C16orf90: variants seen among roughly 807,000 people sequenced by gnomAD.
C16orf90 encodes chromosome 16 open reading frame 90.
In C16orf90, 17 loss-of-function variants were observed where a neutral mutation model predicts 17.1. That is an observed-to-expected ratio of 1.00 (90% CI 0.68 to 1.49). The LOEUF (loss-of-function observed/expected upper bound fraction) is 1.49, where lower values mean the gene tolerates loss of function less well. Ranked by LOEUF, C16orf90 falls within the 40% of genes most tolerant of loss-of-function variation. C16orf90 has a pLI of 0.00. For synonymous variants in C16orf90, 108 were observed against 95.8 expected (o/e 1.13, Z -0.75); for missense variants, 255 against 235.5 (o/e 1.08, Z -0.54).
In C16orf90 at chr16:3,494,883, G is replaced by A; in HGVS notation, c.47-6C>T. 1 of 1,505,954 alleles carries A rather than the reference G, an allele frequency of 6.6e-7. No homozygotes were observed. The highest frequency in any genetic ancestry group is 8.8e-7 in the Non-Finnish European group (1 of 1,134,040). 93.3% of individuals were successfully genotyped at this position (1,505,954 alleles called of 1,614,324 possible). A position where few individuals can be genotyped will look rare whatever the true frequency, so the allele number is the denominator to read the frequency against. On this transcript the variant is annotated splice_polypyrimidine_tract_variant and splice_region_variant and intron_variant, in intron 1 of 2. Transcript: ENST00000437192. ...TTGGGCCTGGCTCACTGCATCTGCA[G>A]AGGAGACAGCGGGAGGGTGGTGGCC...
chr16:3,494,298 C>T (rs1028354658), intron 2 of C16orf90, among the ~76,000 whole-genome samples: 2 of 152,146 alleles, frequency 1.3e-5, no homozygotes, highest in Non-Finnish European at 2.9e-5. Context: ...AGCCCTCCCT[C>T]CCAGATCCTC....
upstream of C16orf90, chr16:3,495,492 G>A (rs1368252132): frequency 3.2e-6 from 5 of 1,571,104 alleles, no homozygotes; most frequent in Non-Finnish European, 4.3e-6. Flanking sequence ...CCCTGCCTAG[G>A]GGGTACATTG....
rs1329884581 is a variant in C16orf90 at position 3,493,914 on chromosome 16, C to T, written c.474G>A (p.Arg158=). Residue 158 remains arginine (R), a synonymous_variant, in exon 3 of 3, where the codon AGG becomes AGA. Transcript: ENST00000437192. ...TGGCCTCTTCCCAGGTCCCCCAGGA[C>T]CTCTTGGGCCTGAGCCTAGAAGGAC... The part of the protein sequence containing the change: ...QPSPSRLRPK[R]SWGTWEEAMC... 1 of 1,609,416 alleles carries T rather than the reference C, an allele frequency of 6.2e-7. No homozygotes were observed. The highest frequency in any genetic ancestry group is 1.3e-5 in the African/African-American group (1 of 74,972).
chr16:3,494,881 C>T lies in C16orf90; in HGVS notation c.47-4G>A, dbSNP rs764251839. On this transcript the variant is annotated splice_polypyrimidine_tract_variant and splice_region_variant and intron_variant, in intron 1 of 2. Coordinates refer to ENST00000437192, the MANE Select transcript of C16orf90 (RefSeq NM_001080524.2). ...CCTTGGGCCTGGCTCACTGCATCTG[C>T]AGAGGAGACAGCGGGAGGGTGGTGG... The T allele has an allele frequency of 5.3e-6, 8 of 1,506,474 alleles. No homozygotes were observed. The highest frequency in any genetic ancestry group is 7.1e-6 in the Non-Finnish European group (8 of 1,133,648). 93.3% of individuals were successfully genotyped at this position (1,506,474 alleles called of 1,614,324 possible).
chr16:3,493,975 C>T lies in C16orf90; in HGVS notation c.413G>A (p.Ser138Asn). The T allele has an allele frequency of 6.2e-7, 1 of 1,607,232 alleles. No individual in the cohort carries two copies. Among genetic ancestry groups the T allele is most frequent in the Non-Finnish European group, 8.5e-7 (1 of 1,175,800 alleles). Residue 138 changes from serine (S) to asparagine (N), a missense_variant, in exon 3 of 3, where the codon AGC becomes AAC. Ser to Asn is a conservative substitution (Grantham distance 46). Transcript: ENST00000437192. ...DSLGSSASSS[S>N]MDPDKGALPQ... is the part of the protein sequence containing the mutation. Reference sequence around the variant, plus strand: ...GAGGGCACCCTTGTCTGGGTCCATGCTGGAACTGGAAGCTGAGGAAAGAGG... The same window carrying T: ...GAGGGCACCCTTGTCTGGGTCCATGTTGGAACTGGAAGCTGAGGAAAGAGG...
rs373149683 is a variant in C16orf90, at chr16:3,494,859, T to C, written c.65A>G (p.Gln22Arg). Residue 22 changes from glutamine (Q) to arginine (R), a missense_variant, in exon 2 of 3, where the codon CAA becomes CGA. Physicochemically the swap from Gln to Arg is conservative, Grantham distance 43. Transcript: ENST00000437192. Reference protein sequence around the residue: ...HIREDAVSQAQGRPGHPDAPP... With the variant: ...HIREDAVSQARGRPGHPDAPP... ...TGCGTCAGGGTGGCCGGGGCGTCCT[T>C]GGGCCTGGCTCACTGCATCTGCAGA... The C allele has an allele frequency of 2.0e-5, 31 of 1,523,016 alleles. No homozygotes were observed. In the African/African-American group the frequency reaches 4.3e-4, roughly 21 times the overall value. The allele number at this position is 1,523,016 out of a possible 1,614,324, so 94.3% of individuals were successfully genotyped here.
In C16orf90 at chr16:3,493,876, C is replaced by A; in HGVS notation, c.512G>T (p.Cys171Phe). 1.2e-6 allele frequency: 2 copies of A among 1,607,262 alleles called. No individual in the cohort carries two copies. The highest frequency in any genetic ancestry group is 1.7e-6 in the Non-Finnish European group (2 of 1,177,096). ...GTWEEAMCPLCKRTRSGALER... is the reference protein window; with the variant it reads ...GTWEEAMCPLFKRTRSGALER... The stretch of plus-strand genomic sequence containing the variant: ...CAGGGCCCCAGAGCGGGTTCTCTTG[C>A]ACAAGGGACACATGGCCTCTTCCCA... The change falls in exon 3 of 3, where the codon TGC becomes TTC. Residue 171 changes from cysteine to phenylalanine, a missense_variant. By Grantham distance (205) the Cys-to-Phe change is radical. Transcript: ENST00000437192.
At position 3,495,369 on chromosome 16, in the gene C16orf90, C is replaced by A; in HGVS notation, c.46+7G>T. 6.2e-7 allele frequency: 1 copy of A among 1,605,540 alleles called. No homozygotes were observed. The highest frequency in any genetic ancestry group is 2.2e-5 in the East Asian group (1 of 44,760). The stretch of plus-strand genomic sequence containing the variant: ...TCTTCCTGCCACTCCTCCCCACAGC[C>A]CGGCACCTTCTCTTATGTGCAGCTC... On this transcript the variant is annotated splice_region_variant and intron_variant, in intron 1 of 2. Coordinates refer to ENST00000437192, the MANE Select transcript of C16orf90 (RefSeq NM_001080524.2).
In C16orf90 at chr16:3,494,798, CG is replaced by C; in HGVS notation, c.125del (p.Pro42ArgfsTer219). 6.3e-7 allele frequency: 1 copy of C among 1,583,348 alleles called. No individual in the cohort carries two copies. ...PNIYEGGLGSPQPQCPSAQGS... is the reference protein window; with the variant it reads ...PNIYEGGLGSXQPQCPSAQGS... ...CCTGGGCACTGGGGCACTGCGGCTG[CG>C]GGGACCCCAGGCCCCCCTCGTAGAT... On this transcript the variant is annotated frameshift_variant, in exon 2 of 3. Coordinates refer to ENST00000437192, the MANE Select transcript of C16orf90 (RefSeq NM_001080524.2). LOFTEE classifies it high-confidence loss of function.
In C16orf90 at chr16:3,494,660, C is replaced by T. The variant is rs370591933; in HGVS notation, c.264G>A (p.Met88Ile). ...QCESHWLGRL[M>I]AGGCLPQPEG... The stretch of plus-strand genomic sequence containing the variant: ...CAGGCTGTGGCAGGCAGCCCCCAGC[C>T]ATAAGCCGGCCCAGCCAGTGGCTCT... The change falls in exon 2 of 3, where the codon ATG (methionine) becomes ATA (isoleucine). Residue 88 changes from methionine to isoleucine, a missense_variant. Physicochemically the swap from Met to Ile is conservative, Grantham distance 10 (BLOSUM62 1). Coordinates refer to ENST00000437192, the MANE Select transcript of C16orf90 (RefSeq NM_001080524.2). The T allele has an allele frequency of 9.9e-6, 16 of 1,611,100 alleles. No individual in the cohort carries two copies. The African/African-American group carries it at 1.9e-4, about 19-fold the overall frequency.
upstream of C16orf90, chr16:3,496,573 C>T (rs1431160372): frequency 9.3e-6 from 5 of 539,254 alleles, no homozygotes; most frequent in African/African-American, 7.6e-5. Flanking sequence ...TCCTGACTTT[C>T]GATCAGCTGG....
chr16:3,494,716 C>G lies in C16orf90; in HGVS notation c.208G>C (p.Glu70Gln), dbSNP rs769194938. ...TGGCCAGTGGGTGGCGGGTGGCTCT[C>G]CAGGTAGAGGCCCAGGCCCCGGAGG... is the stretch of plus-strand genomic sequence containing the variant. ...RHLRGLGLYL[E>Q]SHPPPTGQCE... The change falls in exon 2 of 3, where the codon GAG (glutamate) becomes CAG (glutamine). Residue 70 changes from glutamate to glutamine, a missense_variant. By Grantham distance (29) the Glu-to-Gln change is conservative (BLOSUM62 2). Transcript: ENST00000437192. 1.9e-6 allele frequency: 3 copies of G among 1,608,642 alleles called. No individual in the cohort carries two copies. Among genetic ancestry groups the G allele is most frequent in the Non-Finnish European group, 2.5e-6 (3 of 1,178,788 alleles).
At chr16:3,494,110 A>G (rs144709580) in intron 2 of C16orf90, 123 bp from the exon 3 acceptor site, 762 of 802,704 alleles carry the variant, frequency 9.5e-4, no homozygotes, top group Non-Finnish European at 1.4e-3. Context: ...GAGGAGGGCA[A>G]TGCTTCCTCC....
chr16:3,493,965 T>C lies in C16orf90; in HGVS notation c.423A>G (p.Pro141=), dbSNP rs1320873030. 6.2e-7 allele frequency: 1 copy of C among 1,610,028 alleles called. No homozygotes were observed. The highest frequency in any genetic ancestry group is 2.2e-5 in the East Asian group (1 of 44,794). The change falls in exon 3 of 3, where the codon CCA becomes CCG. Residue 141 remains proline (P), a synonymous_variant. Transcript: ENST00000437192. The part of the protein sequence containing the change: ...GSSASSSSMD[P]DKGALPQPSP... ...TAGGCTGGGGGAGGGCACCCTTGTC[T>C]GGGTCCATGCTGGAACTGGAAGCTG...
chr16:3,494,808 A>T lies in C16orf90; in HGVS notation c.116T>A (p.Leu39Gln). ...DAPPNIYEGG[L>Q]GSPQPQCPSA... ...GGGGCACTGCGGCTGCGGGGACCCC[A>T]GGCCCCCCTCGTAGATGTTGGGGGG... The change falls in exon 2 of 3, where the codon CTG (leucine) becomes CAG (glutamine). Residue 39 changes from leucine (L) to glutamine (Q), a missense_variant. Transcript: ENST00000437192. 1 of 1,574,122 alleles carries T rather than the reference A, an allele frequency of 6.4e-7. No homozygotes were observed.
intron 1 of C16orf90, 94 bp downstream of exon 1, chr16:3,495,282 G>A: frequency 1.4e-6 from 2 of 1,421,156 alleles, no homozygotes; most frequent in Non-Finnish European, 1.9e-6. Flanking sequence ...CCTCTCCCAA[G>A]CATACATGTC....
chr16:3,496,310 T>C, upstream of C16orf90: 1 of 1,002,786 alleles, frequency 1.0e-6, no homozygotes, highest in South Asian at 1.2e-5. Flanking sequence ...CAGGTTACCG[T>C]CCAGACGAAC....
Position 3,493,793 on chromosome 16 carries a change from T to A in C16orf90, c.*46A>T. The A allele has an allele frequency of 6.5e-7, 1 of 1,541,278 alleles. No individual in the cohort carries two copies. Among genetic ancestry groups the A allele is most frequent in the Non-Finnish European group, 8.8e-7 (1 of 1,139,524 alleles). Reference sequence around the variant, plus strand: ...AGCCCCTCCTGCTCAGGCTGCCTCCTCGGCCATCCTGCCCCTCCTGTACCC... The same window carrying A: ...AGCCCCTCCTGCTCAGGCTGCCTCCACGGCCATCCTGCCCCTCCTGTACCC... On this transcript the variant is annotated 3_prime_UTR_variant, in exon 3 of 3. Coordinates refer to ENST00000437192, the MANE Select transcript of C16orf90 (RefSeq NM_001080524.2).
upstream of C16orf90, among the ~76,000 whole-genome samples, chr16:3,495,836 T>C (rs994131169): frequency 2.0e-5 from 3 of 152,046 alleles, no homozygotes; most frequent in Admixed American, 6.5e-5. Context: ...CTGGGGGCGG[T>C]GGCTCATGCC....
Sources: allele counts gnomAD v4.1 joint callset (sites outside exome capture counted in the v4.1 genomes callset), GRCh38; gene constraint gnomAD v4.1.1; transcripts MANE v1.5; gene names NCBI Gene and HGNC (gene_info 2026-07-23, HGNC 2026-07-21).